The following CLECL1 variants were observed in gnomAD, a reference collection of about 807,000 sequenced individuals.
CLECL1 encodes C-type lectin like 1.
intron 2 of CLECL1, among the ~76,000 whole-genome samples, chr12:9,727,850 C>T (rs1181439035): frequency 1.3e-5 from 2 of 151,730 alleles, no homozygotes; most frequent in East Asian, 3.8e-4. Flanking sequence ...GTCTCTTTTG[C>T]ACTCTTATTA....
chr12:9,732,445 A>C (rs1866458605), intron 1 of CLECL1, among the ~76,000 whole-genome samples: 1 of 152,234 alleles, frequency 6.6e-6, no homozygotes, highest in Admixed American at 6.5e-5. Flanking sequence ...ATATTCAATT[A>C]CCTAGTCATT....
chr12:9,703,008 A>G, the CLECL1 span, among the ~76,000 whole-genome samples: 5 of 152,234 alleles, frequency 3.3e-5, no homozygotes, highest in African/African-American at 1.2e-4. Flanking sequence ...TAGACAACCC[A>G]GAAAAATTAT....
chr12:9,715,059 G>A (rs1197635664), downstream of CLECL1, among the ~76,000 whole-genome samples: 1 of 152,074 alleles, frequency 6.6e-6, no homozygotes, highest in Non-Finnish European at 1.5e-5. Flanking sequence ...ATTCTAAAGG[G>A]CTGCAGCTCC....
At chr12:9,703,408 T>TTATTTATG in the CLECL1 span, among the ~76,000 whole-genome samples, 1 of 140,076 alleles carries the variant, frequency 7.1e-6, no homozygotes, top group South Asian at 2.4e-4. Flanking sequence ...ATTTATTTAT[T>TTATTTATG]TATTGAGACA....
At chr12:9,719,168 C>T (rs1866276600), downstream of CLECL1, among the ~76,000 whole-genome samples, 1 of 152,136 alleles carries the variant, frequency 6.6e-6, no homozygotes, top group African/African-American at 2.4e-5. Flanking sequence ...GGTGCGGTGG[C>T]TCATGCCTGT....
intron 3 of CLECL1, among the ~76,000 whole-genome samples, chr12:9,726,316 C>T (rs1866379342): frequency 6.6e-6 from 1 of 151,970 alleles, no homozygotes; most frequent in South Asian, 2.1e-4. Context: ...TTTGAAAATA[C>T]ATCCCTAGAA....
At chr12:9,732,920 T>C (rs764110641) in intron 1 of CLECL1, 29 bp downstream of exon 1, 7 of 1,531,660 alleles carry the variant, frequency 4.6e-6, no homozygotes, top group Non-Finnish European at 6.2e-6. Context: ...AAAATCTTAA[T>C]TCTCAAAGGC....
intron 3 of CLECL1, among the ~76,000 whole-genome samples, chr12:9,723,337 TATA>T (rs1283705329): frequency 6.6e-6 from 1 of 152,204 alleles, no homozygotes; most frequent in Non-Finnish European, 1.5e-5. Flanking sequence ...AGTTCTAATT[TATA>T]ATATTTCCCA....
downstream of CLECL1, among the ~76,000 whole-genome samples, chr12:9,711,769 G>A (rs1211205446): frequency 6.6e-6 from 1 of 152,044 alleles, no homozygotes; most frequent in Non-Finnish European, 1.5e-5. Context: ...CCTAGGCAAT[G>A]TCTTCTGGTC....
At chr12:9,722,557 C>T (rs2121048862), downstream of CLECL1, 11 of 1,503,264 alleles carry the variant, frequency 7.3e-6, no homozygotes, top group Non-Finnish European at 9.8e-6. Context: ...GTTGAAACTT[C>T]TTTTCACAGA....
At chr12:9,722,784 A>C (rs1425141569) in exon 4 of CLECL1, 15 of 1,611,748 alleles carry the variant, frequency 9.3e-6, no homozygotes, top group Non-Finnish European at 1.3e-5. Context: ...GCAGGACATG[A>C]TTTATGGACA....
intron 1 of CLECL1, among the ~76,000 whole-genome samples, chr12:9,731,873 C>T (rs1164355979): frequency 6.6e-6 from 1 of 152,144 alleles, no homozygotes; most frequent in Non-Finnish European, 1.5e-5. Context: ...GTTGCTTAAA[C>T]TGAGTAAAAT....
chr12:9,707,010 T>C, the CLECL1 span, among the ~76,000 whole-genome samples: 1 of 152,206 alleles, frequency 6.6e-6, no homozygotes, highest in Non-Finnish European at 1.5e-5. Context: ...TGGTAGGCTA[T>C]TTATTACTGG....
chr12:9,714,175 G>A (rs1866217836), downstream of CLECL1, among the ~76,000 whole-genome samples: 1 of 152,182 alleles, frequency 6.6e-6, no homozygotes, highest in Non-Finnish European at 1.5e-5. Context: ...CATGTAGATG[G>A]GGGTTTGATA....
At chr12:9,722,770 T>G (rs1196541941) in exon 4 of CLECL1, 2 of 1,613,660 alleles carry the variant, frequency 1.2e-6, no homozygotes, top group African/African-American at 2.7e-5. Flanking sequence ...CCTTCCAGTC[T>G]TTGGCAGGAC....
chr12:9,720,675 G>A (rs1866299272), downstream of CLECL1, among the ~76,000 whole-genome samples: 1 of 152,034 alleles, frequency 6.6e-6, no homozygotes, highest in African/African-American at 2.4e-5. Flanking sequence ...TCTCTCTCCA[G>A]GTCTGCATCA....
downstream of CLECL1, among the ~76,000 whole-genome samples, chr12:9,711,554 A>G (rs962178480): frequency 1.3e-5 from 2 of 152,040 alleles, no homozygotes; most frequent in Non-Finnish European, 2.9e-5. Context: ...ACCGTACTCA[A>G]CTATCAGTAG....
the CLECL1 span, chr12:9,709,475 G>A: frequency 6.6e-6 from 1 of 152,238 alleles, no homozygotes; most frequent in East Asian, 1.9e-4. Flanking sequence ...AAATTAAGGA[G>A]GATATTGACA....
downstream of CLECL1, among the ~76,000 whole-genome samples, chr12:9,720,473 G>A (rs1866296131): frequency 6.6e-6 from 1 of 151,962 alleles, no homozygotes; most frequent in African/African-American, 2.4e-5. Flanking sequence ...CTCCCGAGTA[G>A]CTGGGATTAC....
Sources: gnomAD v4.1 joint callset for allele counts (sites outside exome capture counted in the v4.1 genomes callset) on GRCh38, gnomAD v4.1.1 for gene constraint, MANE v1.5 for transcripts, NCBI Gene and HGNC (gene_info 2026-07-23, HGNC 2026-07-21) for gene names.